Variants in PDE3B observed in about 807,000 individuals in gnomAD.
PDE3B encodes phosphodiesterase 3B.
In PDE3B, 66 loss-of-function variants were observed where a neutral mutation model predicts 116.8. The ratio of observed to expected loss-of-function variants is 0.56; its 90% CI spans 0.46 to 0.69. PDE3B has a LOEUF of 0.69. Ranked by LOEUF, PDE3B falls within the 30% of genes least tolerant of loss-of-function variation. The probability of loss-of-function intolerance (pLI) is 0.00; values close to 1 mark genes in which losing one functional copy is unlikely to be tolerated. For synonymous variants in PDE3B, 595 were observed against 533.6 expected (o/e 1.12, Z -1.59); for missense variants, 1,384 against 1,368.1 (o/e 1.01, Z -0.18).
intron 1 of PDE3B, among the ~76,000 whole-genome samples, chr11:14,665,476 T>C (rs1463373766): frequency 2.6e-5 from 4 of 152,188 alleles, no homozygotes; most frequent in Non-Finnish European, 4.4e-5. Flanking sequence ...GGAAGTCAAA[T>C]TGTCCCTGTT....
chr11:14,716,170 G>A (rs1052729452), intron 1 of PDE3B, among the ~76,000 whole-genome samples: 22 of 152,168 alleles, frequency 1.4e-4, no homozygotes, highest in Non-Finnish European at 2.5e-4. Context: ...GACGCACCTG[G>A]AAAATCGGGT....
intron 1 of PDE3B, among the ~76,000 whole-genome samples, chr11:14,665,875 T>C (rs1854123937): frequency 4.6e-5 from 7 of 152,114 alleles, no homozygotes; most frequent in African/African-American, 1.7e-4. Context: ...ATTTATAGAT[T>C]CAATGCCATC....
At chr11:14,674,389 C>T (rs2133785535) in intron 1 of PDE3B, 1 of 689,810 alleles carries the variant, frequency 1.4e-6, no homozygotes, top group East Asian at 3.2e-5. Context: ...CTCTGGAACC[C>T]ACTCATCCCA....
At chr11:14,742,656 G>A (rs1364153255) in intron 1 of PDE3B, among the ~76,000 whole-genome samples, 1 of 152,186 alleles carries the variant, frequency 6.6e-6, no homozygotes, top group African/African-American at 2.4e-5. Flanking sequence ...TAGAGGAGAA[G>A]AGGCGTTGTG....
At chr11:14,688,028 A>G (rs907768421) in intron 1 of PDE3B, among the ~76,000 whole-genome samples, 27 of 151,954 alleles carry the variant, frequency 1.8e-4, no homozygotes, top group Admixed American at 1.4e-3. Flanking sequence ...AGGTGAAAGT[A>G]TGTAGTTTCC....
chr11:14,667,531 C>G (rs1386086500), intron 1 of PDE3B, among the ~76,000 whole-genome samples: 1 of 151,640 alleles, frequency 6.6e-6, no homozygotes, highest in Non-Finnish European at 1.5e-5. Context: ...AGTTCATGGC[C>G]TTCGTAGGGA....
intron 1 of PDE3B, among the ~76,000 whole-genome samples, chr11:14,693,983 T>C (rs1191512899): frequency 6.6e-6 from 1 of 152,098 alleles, no homozygotes; most frequent in Non-Finnish European, 1.5e-5. Flanking sequence ...TAACAGGAAT[T>C]TGGAAGAAGT....
In PDE3B at chr11:14,867,756, CAAGT is replaced by C; in HGVS notation, c.3139+2_3139+5del. The C allele has an allele frequency of 6.2e-7, 1 of 1,600,400 alleles. No individual in the cohort carries two copies. The highest frequency in any genetic ancestry group is 8.6e-7 in the Non-Finnish European group (1 of 1,167,964). ...GAAGAAATGGAAAACAATCTAAATCCAAGTAAGAATATAGGGACATTATAATTTA... is the reference window on the plus strand; with the variant it reads ...GAAGAAATGGAAAACAATCTAAATCCAAGAATATAGGGACATTATAATTTA... On this transcript the variant is annotated splice_donor_variant and coding_sequence_variant, in exon 15 of 16. Coordinates refer to ENST00000282096, the MANE Select transcript of PDE3B (RefSeq NM_000922.4). LOFTEE classifies it high-confidence loss of function.
At chr11:14,843,762 C>A in intron 11 of PDE3B, 65 bp from the exon 12 acceptor site, 1 of 1,246,984 alleles carries the variant, frequency 8.0e-7, no homozygotes, top group African/African-American at 1.5e-5. Context: ...GAATCCCCTC[C>A]ATAGCAAAAT....
intron 1 of PDE3B, among the ~76,000 whole-genome samples, chr11:14,675,281 T>C (rs1333015603): frequency 6.6e-6 from 1 of 152,192 alleles, no homozygotes; most frequent in Non-Finnish European, 1.5e-5. Flanking sequence ...CTCTATTTCT[T>C]AAGAGCAGAC....
chr11:14,841,984 A>ATT (rs5789851), intron 11 of PDE3B, among the ~76,000 whole-genome samples: 1 of 150,956 alleles, frequency 6.6e-6, no homozygotes, highest in Non-Finnish European at 1.5e-5. Context: ...TAAAAATGTC[A>ATT]TTTTTTTTGT....
Position 14,869,855 on chromosome 11 carries a change from CTA to C in PDE3B, c.*197_*198del, listed in dbSNP as rs1424010149. The C allele has an allele frequency of 2.1e-5, 11 of 522,744 alleles. No homozygotes were observed. The South Asian group carries it at 2.7e-4, about 13-fold the overall frequency. 32.4% of individuals were successfully genotyped at this position (522,744 alleles called of 1,614,324 possible). ...ATGCACTTTCACAGGAACTAGAAAACTATTCTTAAACCAAAAATACCATCCGT... is the reference window on the plus strand; with the variant it reads ...ATGCACTTTCACAGGAACTAGAAAACTTCTTAAACCAAAAATACCATCCGT... On this transcript the variant is annotated 3_prime_UTR_variant, in exon 16 of 16. Transcript: ENST00000282096.
the PDE3B span, chr11:14,891,938 C>T: frequency 1.9e-6 from 3 of 1,599,356 alleles, no homozygotes; most frequent in Non-Finnish European, 2.6e-6. Context: ...CAGCCCGGGC[C>T]AGCCTGGCGG....
chr11:14,830,732 C>A lies in PDE3B; in HGVS notation c.1842C>A (p.Phe614Leu). ...AAAACATTTTCTCGAAAGAATCATTCAAACTTATGGAAACTCAACAAGAAG... is the reference window on the plus strand; with the variant it reads ...AAAACATTTTCTCGAAAGAATCATTAAAACTTATGGAAACTCAACAAGAAG... ...EEENIFSKES[F>L]KLMETQQEEE... Residue 614 changes from phenylalanine (F) to leucine (L), a missense_variant, in exon 8 of 16, where the codon TTC becomes TTA. By Grantham distance (22) the Phe-to-Leu change is conservative. Around this residue, in one of 2 missense-constraint regions of PDE3B, gnomAD observed 956 missense variants for 806.8 expected, o/e 1.18. Transcript: ENST00000282096. The A allele has an allele frequency of 1.3e-6, 2 of 1,487,620 alleles. No individual in the cohort carries two copies. The highest frequency in any genetic ancestry group is 8.9e-7 in the Non-Finnish European group (1 of 1,118,830). The allele number at this position is 1,487,620 out of a possible 1,614,324, so 92.2% of individuals were successfully genotyped here.
At chr11:14,847,333 T>G (rs1325596114) in intron 12 of PDE3B, among the ~76,000 whole-genome samples, 3 of 150,822 alleles carry the variant, frequency 2.0e-5, no homozygotes, top group African/African-American at 7.3e-5. Flanking sequence ...TGGGACACAT[T>G]CAAAGCAGTG....
At chr11:14,718,432 C>G (rs1157127140) in intron 1 of PDE3B, among the ~76,000 whole-genome samples, 1 of 147,074 alleles carries the variant, frequency 6.8e-6, no homozygotes, top group Non-Finnish European at 1.5e-5. Context: ...TAATAGACAT[C>G]TACAGAACTC....
At chr11:14,659,215 A>T (rs1381558419) in intron 1 of PDE3B, among the ~76,000 whole-genome samples, 2 of 152,204 alleles carry the variant, frequency 1.3e-5, no homozygotes, top group Non-Finnish European at 2.9e-5. Context: ...AAAATAAAGG[A>T]GGAGCATGGA....
chr11:14,843,900 T>G lies in PDE3B; in HGVS notation c.2394T>G (p.Ser798Arg). 1 of 1,613,996 alleles carries G rather than the reference T, an allele frequency of 6.2e-7. No homozygotes were observed. Among genetic ancestry groups the G allele is most frequent in the Non-Finnish European group, 8.5e-7 (1 of 1,179,878 alleles). Residue 798 changes from serine (S) to arginine (R), a missense_variant, in exon 12 of 16, where the codon AGT becomes AGG. Around this residue, in one of 2 missense-constraint regions of PDE3B, gnomAD observed 428 missense variants for 561.4 expected, o/e 0.76. Coordinates refer to ENST00000282096, the MANE Select transcript of PDE3B (RefSeq NM_000922.4). ...AGAGCTGCTCTAATCCTGATGAGAGTTATGGCTGCCTGTCTTCAAACATTC... is the reference window on the plus strand; with the variant it reads ...AGAGCTGCTCTAATCCTGATGAGAGGTATGGCTGCCTGTCTTCAAACATTC... The part of the protein sequence containing the change: ...SSKSCSNPDE[S>R]YGCLSSNIPA...
chr11:14,868,133 T>C (rs1848080915), intron 15 of PDE3B, among the ~76,000 whole-genome samples: 2 of 152,222 alleles, frequency 1.3e-5, no homozygotes, highest in Admixed American at 1.3e-4. Context: ...GAGTAACTTC[T>C]ATATGCCGGG....
Sources: allele counts gnomAD v4.1 joint callset (sites outside exome capture counted in the v4.1 genomes callset), GRCh38; gene constraint gnomAD v4.1.1; regional missense constraint gnomAD v4.1.1; transcripts MANE v1.5; gene names NCBI Gene and HGNC (gene_info 2026-07-23, HGNC 2026-07-21).